NPAS3: variants seen among roughly 807,000 people sequenced by gnomAD.
NPAS3 encodes the protein neuronal PAS domain-containing protein 3.
NPAS3 carries 14 observed loss-of-function variants against 73.1 expected under a neutral mutation model. That is an observed-to-expected ratio of 0.19 (90% CI 0.13 to 0.30). NPAS3 has a LOEUF of 0.30. Ranked by LOEUF, NPAS3 falls within the 10% of genes least tolerant of loss-of-function variation. The pLI is 1.00. For missense variants in NPAS3, 1,096 were observed against 1,250.0 expected (o/e 0.88, Z 1.86); for synonymous variants, 620 against 541.5 (o/e 1.14, Z -2.01).
At position 33,334,596 on chromosome 14, in the gene NPAS3, C is replaced by G. The variant is rs116289861; in HGVS notation, c.386-32590C>G. On this transcript the variant is annotated intron_variant, in intron 3 of 11. Coordinates refer to ENST00000356141, the Ensembl canonical transcript of NPAS3. ...CAGTAGTCTTATTTAACCAGGTTCC[C>G]CAGGGACATCTTTCACCTTCAGTCT... Among the ~76,000 whole-genome samples the G allele has an allele frequency of 4.1e-3, 617 of 152,196 alleles. 8 individuals carry two copies. Among genetic ancestry groups the G allele is most frequent in the African/African-American group, 0.014 (590 of 41,524 alleles).
intron 1 of NPAS3, among the ~76,000 whole-genome samples, chr14:33,022,302 G>T (rs2039626361): frequency 6.6e-6 from 1 of 152,190 alleles, no homozygotes; most frequent in South Asian, 2.1e-4. Flanking sequence ...TATATAAGCT[G>T]CTTAAATATT....
intron 2 of NPAS3, among the ~76,000 whole-genome samples, chr14:33,139,041 C>T (rs2043945864): frequency 1.3e-5 from 2 of 152,170 alleles, no homozygotes; most frequent in Admixed American, 1.3e-4. Context: ...ATTTTCTCTT[C>T]TCTTGACTTC....
intron 1 of NPAS3, among the ~76,000 whole-genome samples, chr14:33,051,479 C>T (rs1013815836): frequency 1.3e-5 from 2 of 152,122 alleles, no homozygotes; most frequent in African/African-American, 4.8e-5. Flanking sequence ...ACCACAGACC[C>T]TGTTTCGTTG....
intron 8 of NPAS3, among the ~76,000 whole-genome samples, chr14:33,776,521 TAAAAAAAAAAAAAAAAAAAAAAAAAA>T (rs552348267): frequency 3.7e-4 from 12 of 32,016 alleles, no homozygotes; most frequent in Admixed American, 1.6e-3. Context: ...TTCTTCCTCT[TAAAAAAAAAAAAAAAAAAAAAAAAAA>T]AAAAAAAAAA....
At chr14:33,161,852 A>G (rs1396031569) in intron 2 of NPAS3, among the ~76,000 whole-genome samples, 1 of 152,100 alleles carries the variant, frequency 6.6e-6, no homozygotes, top group Non-Finnish European at 1.5e-5. Flanking sequence ...CAGCAGGATA[A>G]GGAATGTTGC....
At chr14:33,713,052 C>T (rs1476388960) in intron 6 of NPAS3, among the ~76,000 whole-genome samples, 4 of 152,160 alleles carry the variant, frequency 2.6e-5, no homozygotes, top group Non-Finnish European at 5.9e-5. Flanking sequence ...AAATGATCAT[C>T]CCTTCTTCTC....
chr14:33,197,714 C>T (rs1057225255), intron 2 of NPAS3, among the ~76,000 whole-genome samples: 4 of 152,180 alleles, frequency 2.6e-5, no homozygotes, highest in African/African-American at 9.7e-5. Context: ...CTTATTCAGT[C>T]ATTCCAAATC....
Position 33,436,221 on chromosome 14 carries a change from A to C in NPAS3, c.468+68953A>C, listed in dbSNP as rs1323635077. 1.3e-5 allele frequency among the ~76,000 whole-genome samples: 2 copies of C among 152,202 alleles called. 1 individual carries two copies. The highest frequency in any genetic ancestry group is 4.1e-4 in the South Asian group (2 of 4,826). On this transcript the variant is annotated intron_variant, in intron 4 of 11. Coordinates refer to ENST00000356141, the Ensembl canonical transcript of NPAS3. ...GTGCATGTAAGTTTACCGTCATGCC[A>C]GCAAGTCCTCCGCTGACCAGTAGAT...
intron 4 of NPAS3, among the ~76,000 whole-genome samples, chr14:33,534,853 G>GA (rs2054191587): frequency 6.6e-6 from 1 of 152,070 alleles, no homozygotes; most frequent in South Asian, 2.1e-4. Flanking sequence ...TGGAATGGGG[G>GA]AATCCCTGCT....
At chr14:33,049,405 T>A (rs1206584402) in intron 1 of NPAS3, among the ~76,000 whole-genome samples, 1 of 151,956 alleles carries the variant, frequency 6.6e-6, no homozygotes. Flanking sequence ...AGGAAGGAGG[T>A]TTAATGGAGA....
chr14:33,243,518 C>T (rs887287895), intron 3 of NPAS3, among the ~76,000 whole-genome samples: 2 of 151,956 alleles, frequency 1.3e-5, no homozygotes, highest in Non-Finnish European at 2.9e-5. Flanking sequence ...TATCTAGTTC[C>T]CAGGTGATAC....
At chr14:33,167,114 G>T (rs1249093031) in intron 2 of NPAS3, among the ~76,000 whole-genome samples, 2 of 149,818 alleles carry the variant, frequency 1.3e-5, no homozygotes, top group Admixed American at 6.6e-5. Flanking sequence ...ACAACGCTTG[G>T]TATCTACACA....
chr14:33,502,240 T>A (rs916360448), intron 4 of NPAS3, among the ~76,000 whole-genome samples: 13 of 151,404 alleles, frequency 8.6e-5, no homozygotes, highest in African/African-American at 3.2e-4. Context: ...TTTCTAGCTC[T>A]AATTTAAGTG....
At chr14:33,544,789 TATATATATATATATATATA>T in intron 4 of NPAS3, among the ~76,000 whole-genome samples, 1 of 77,664 alleles carries the variant, frequency 1.3e-5, no homozygotes, top group East Asian at 3.4e-4. Context: ...GTGTGTGTAT[TATATATATATATATATATA>T]TATGTATATA....
intron 5 of NPAS3, among the ~76,000 whole-genome samples, chr14:33,671,008 A>G (rs2140314216): frequency 6.6e-6 from 1 of 152,142 alleles, no homozygotes; most frequent in East Asian, 1.9e-4. Flanking sequence ...ATTGATAAAA[A>G]TCAACTTTAT....
At chr14:33,561,650 G>A (rs536252914) in intron 5 of NPAS3, among the ~76,000 whole-genome samples, 5 of 152,154 alleles carry the variant, frequency 3.3e-5, no homozygotes, top group African/African-American at 4.8e-5. Context: ...TGAAATCGGT[G>A]AGCCACCATG....
intron 2 of NPAS3, among the ~76,000 whole-genome samples, chr14:33,124,273 C>T (rs998971349): frequency 6.6e-6 from 1 of 152,064 alleles, no homozygotes; most frequent in Non-Finnish European, 1.5e-5. Context: ...AGATTTTCTT[C>T]TGGTACATGG....
intron 5 of NPAS3, among the ~76,000 whole-genome samples, chr14:33,635,906 T>A (rs1030525146): frequency 1.3e-5 from 2 of 152,250 alleles, no homozygotes; most frequent in African/African-American, 2.4e-5. Context: ...CTCTGTGGCA[T>A]GTCCACATGT....
At chr14:33,427,337 T>A (rs543324909) in intron 4 of NPAS3, among the ~76,000 whole-genome samples, 2 of 152,104 alleles carry the variant, frequency 1.3e-5, no homozygotes, top group South Asian at 4.2e-4. Flanking sequence ...TAGGTTGTCC[T>A]TAAAAAGTAC....
Sources: gnomAD v4.1 joint callset for allele counts (sites outside exome capture counted in the v4.1 genomes callset) on GRCh38, gnomAD v4.1.1 for gene constraint, MANE v1.5 for transcripts, NCBI Gene and HGNC (gene_info 2026-07-23, HGNC 2026-07-21) for gene names.